Variants in CYBRD1 observed in about 807,000 individuals in gnomAD.
CYBRD1 encodes plasma membrane ascorbate-dependent reductase CYBRD1.
In CYBRD1, 14 loss-of-function variants were observed where a neutral mutation model predicts 21.9. That is an observed-to-expected ratio of 0.64 (90% CI 0.42 to 1.00). The LOEUF is 1.00. Among genes scored for constraint, CYBRD1 ranks in the 50% least tolerant of loss-of-function variants. CYBRD1 has a pLI of 0.00. For synonymous variants in CYBRD1, 146 were observed against 136.5 expected (o/e 1.07, Z -0.48); for missense variants, 328 against 352.5 (o/e 0.93, Z 0.56).
chr2:171,524,846 TG>T (rs1357825363), intron 1 of CYBRD1, among the ~76,000 whole-genome samples: 1 of 152,252 alleles, frequency 6.6e-6, no homozygotes, highest in Non-Finnish European at 1.5e-5. Flanking sequence ...CTCTAAACTT[TG>T]TACTTCTCTT....
intron 1 of CYBRD1, among the ~76,000 whole-genome samples, chr2:171,530,190 A>G (rs192252253): frequency 6.6e-6 from 1 of 152,314 alleles, no homozygotes. Context: ...TCCTGCTATT[A>G]TAACACCTTG....
At position 171,522,858 on chromosome 2, in the gene CYBRD1, G is replaced by C; in HGVS notation, c.193+120G>C. The C allele has an allele frequency of 6.7e-7, 1 of 1,492,950 alleles. No homozygotes were observed. Among genetic ancestry groups the C allele is most frequent in the Non-Finnish European group, 9.0e-7 (1 of 1,109,906 alleles). The allele number at this position is 1,492,950 out of a possible 1,614,324, so 92.5% of individuals were successfully genotyped here. ...CTGGAGGATCGCGGGGCCCGGAGGA[G>C]TGCGGTGAGGAGCGCGCGGGAAGCC... is the stretch of plus-strand genomic sequence containing the variant. On this transcript the variant is annotated intron_variant, in intron 1 of 3. Coordinates refer to ENST00000321348, the MANE Select transcript of CYBRD1 (RefSeq NM_024843.4). The surrounding 1 kb of genome is among the most constrained non-coding windows in gnomAD (Gnocchi z 4.3).
At chr2:171,552,528 T>G (rs893269647) in intron 2 of CYBRD1, among the ~76,000 whole-genome samples, 1 of 152,198 alleles carries the variant, frequency 6.6e-6, no homozygotes, top group Admixed American at 6.5e-5. Flanking sequence ...ATTGTTTTGC[T>G]AGGATGGTAG....
chr2:171,535,914 A>G (rs946740455), intron 1 of CYBRD1, among the ~76,000 whole-genome samples: 1 of 152,172 alleles, frequency 6.6e-6, no homozygotes, highest in African/African-American at 2.4e-5. Flanking sequence ...TGCTGGGATT[A>G]CAAGCATGAG....
chr2:171,548,332 A>G (rs894782845), intron 2 of CYBRD1, among the ~76,000 whole-genome samples: 3 of 152,250 alleles, frequency 2.0e-5, no homozygotes, highest in Admixed American at 1.3e-4. Flanking sequence ...TAACAAGCAC[A>G]TAAGGTGATT....
chr2:171,538,384 G>C (rs755992606), intron 1 of CYBRD1, among the ~76,000 whole-genome samples: 1 of 152,208 alleles, frequency 6.6e-6, no homozygotes, highest in Non-Finnish European at 1.5e-5. Flanking sequence ...AACGCCCTCA[G>C]AGAAGATGAA....
At chr2:171,528,080 CTTTAT>C (rs565108426) in intron 1 of CYBRD1, among the ~76,000 whole-genome samples, 19 of 149,950 alleles carry the variant, frequency 1.3e-4, no homozygotes, top group Admixed American at 2.7e-4. Flanking sequence ...CCTTGGGGCA[CTTTAT>C]TTTATTTTAT....
intron 1 of CYBRD1, among the ~76,000 whole-genome samples, chr2:171,528,530 G>T (rs770399547): frequency 6.6e-6 from 1 of 151,730 alleles, no homozygotes; most frequent in Non-Finnish European, 1.5e-5. Flanking sequence ...TCCTGATGAC[G>T]GCAGGTTAGA....
At chr2:171,529,531 C>CAAAAAAAAAAAAA (rs57600338) in intron 1 of CYBRD1, among the ~76,000 whole-genome samples, 1 of 69,260 alleles carries the variant, frequency 1.4e-5, no homozygotes, top group Non-Finnish European at 2.5e-5. Context: ...AACTCTGTCT[C>CAAAAAAAAAAAAA]AAAAAAAAAA....
chr2:171,523,577 G>A (rs886447927), intron 1 of CYBRD1, among the ~76,000 whole-genome samples: 19 of 152,318 alleles, frequency 1.2e-4, no homozygotes, highest in African/African-American at 4.3e-4. Context: ...GCCTGGCACC[G>A]AGGGATGCCT....
At chr2:171,547,498 CT>C (rs1697734889) in intron 2 of CYBRD1, among the ~76,000 whole-genome samples, 1 of 148,760 alleles carries the variant, frequency 6.7e-6, no homozygotes, top group Admixed American at 6.8e-5. Flanking sequence ...TATGGAAAGG[CT>C]AACAGGATGG....
At position 171,541,818 on chromosome 2, in the gene CYBRD1, G is replaced by A. The variant is rs149376411; in HGVS notation, c.402+25G>A. On this transcript the variant is annotated intron_variant, in intron 2 of 3. Transcript: ENST00000321348. ...GGTCAGTATTTCAGTGTATTTACAA[G>A]CAAGTTATAAAAACAATTCAGAGAC... is the stretch of plus-strand genomic sequence containing the variant. 169 of 1,557,292 alleles carry A rather than the reference G, an allele frequency of 1.1e-4. 1 individual carries two copies. In the African/African-American group the frequency reaches 2.1e-3, roughly 19 times the overall value.
rs548851234 is a variant in CYBRD1, at chr2:171,525,237, C to G, written c.193+2499C>G. ...ACAGACGTGAGCCACAGTACCCGGCCGATCTTGTTTTCTTTAGGTTCAATT... is the reference window on the plus strand; with the variant it reads ...ACAGACGTGAGCCACAGTACCCGGCGGATCTTGTTTTCTTTAGGTTCAATT... On this transcript the variant is annotated intron_variant, in intron 1 of 3. Coordinates refer to ENST00000321348, the MANE Select transcript of CYBRD1 (RefSeq NM_024843.4). 4.6e-5 allele frequency among the ~76,000 whole-genome samples: 7 copies of G among 152,246 alleles called. No homozygotes were observed. The East Asian group carries it at 1.4e-3, about 29-fold the overall frequency.
Position 171,522,607 on chromosome 2 carries a change from T to G in CYBRD1, c.62T>G (p.Phe21Cys). The G allele has an allele frequency of 6.2e-7, 1 of 1,612,484 alleles. No homozygotes were observed. The highest frequency in any genetic ancestry group is 1.1e-5 in the South Asian group (1 of 90,508). Residue 21 changes from phenylalanine (F) to cysteine (C), a missense_variant, in exon 1 of 4, where the codon TTC (phenylalanine) becomes TGC (cysteine). By Grantham distance (205) the Phe-to-Cys change is radical (BLOSUM62 -2). Coordinates refer to ENST00000321348, the MANE Select transcript of CYBRD1 (RefSeq NM_024843.4). This position sits in a 1 kb window ranked among gnomAD's most constrained non-coding sequence, Gnocchi z 4.3. ...CTGGGGTCGGCACTGCTCGTCGGCT[T>G]CCTGTCGGTGATCTTCGCCCTCGTC... is the stretch of plus-strand genomic sequence containing the variant. Reference protein sequence around the residue: ...ALLGSALLVGFLSVIFALVWV... With the variant: ...ALLGSALLVGCLSVIFALVWV...
chr2:171,553,381 G>A lies in CYBRD1; in HGVS notation c.438G>A (p.Trp146Ter). 6.2e-7 allele frequency: 1 copy of A among 1,613,462 alleles called. No homozygotes were observed. The highest frequency in any genetic ancestry group is 8.5e-7 in the Non-Finnish European group (1 of 1,179,720). ...LSGFSVFLLPWAPLSLRAFLM... is the reference protein window; with the variant it reads ...LSGFSVFLLP ...GTTTTTCAGTCTTTCTGCTTCCATGGGCTCCGCTTTCTCTCCGAGCATTTC... is the reference window on the plus strand; with the variant it reads ...GTTTTTCAGTCTTTCTGCTTCCATGAGCTCCGCTTTCTCTCCGAGCATTTC... Residue 146 changes from tryptophan to a stop codon, truncating the protein, a stop_gained, in exon 3 of 4, where the codon TGG (tryptophan) becomes TGA (stop). Transcript: ENST00000321348. LOFTEE classifies it high-confidence loss of function.
intron 2 of CYBRD1, among the ~76,000 whole-genome samples, chr2:171,547,605 T>G (rs1697736195): frequency 6.6e-6 from 1 of 152,022 alleles, no homozygotes; most frequent in South Asian, 2.1e-4. Context: ...GCTGAAAAAT[T>G]GGAGGACATA....
At chr2:171,553,297 G>T in intron 2 of CYBRD1, 49 bp from the exon 3 acceptor site, 1 of 1,597,158 alleles carries the variant, frequency 6.3e-7, no homozygotes, top group Non-Finnish European at 8.6e-7. Flanking sequence ...TTTAAAATTA[G>T]TTTAGAACTT....
Position 171,553,477 on chromosome 2 carries a change from G to GA in CYBRD1, c.535dup (p.Thr179AsnfsTer50). On this transcript the variant is annotated frameshift_variant, in exon 3 of 4. Transcript: ENST00000321348. LOFTEE classifies it low-confidence loss of function (END_TRUNC). ...TGATTGCAACAGCACTTATGGGATT[G>GA]ACAGAGAAACTGATTTTTTCCCTGT... 1 of 1,612,030 alleles carries GA rather than the reference G, an allele frequency of 6.2e-7. No individual in the cohort carries two copies. The highest frequency in any genetic ancestry group is 8.5e-7 in the Non-Finnish European group (1 of 1,178,760).
chr2:171,555,052 G>T lies in CYBRD1; in HGVS notation c.*225G>T, dbSNP rs1683458540. On this transcript the variant is annotated 3_prime_UTR_variant, in exon 4 of 4. Transcript: ENST00000321348. ...AATAGCAGATATAAATTGTGGTTAT[G>T]TTACCTTTATCTTGTTGAGGACCAC... is the stretch of plus-strand genomic sequence containing the variant. 1.7e-6 allele frequency: 1 copy of T among 573,762 alleles called. No homozygotes were observed. Among genetic ancestry groups the T allele is most frequent in the Non-Finnish European group, 3.1e-6 (1 of 325,282 alleles). 35.5% of individuals were successfully genotyped at this position (573,762 alleles called of 1,614,324 possible). A position where few individuals can be genotyped will look rare whatever the true frequency, so the allele number is the denominator to read the frequency against.
Sources: gnomAD v4.1 joint callset for allele counts (sites outside exome capture counted in the v4.1 genomes callset) on GRCh38, gnomAD v4.1.1 for gene constraint, Gnocchi (gnomAD v3.1) non-coding constraint, MANE v1.5 for transcripts, NCBI Gene and HGNC (gene_info 2026-07-23, HGNC 2026-07-21) for gene names.